Variants in CIB2 observed in about 807,000 individuals in gnomAD.
CIB2 encodes calcium and integrin-binding family member 2.
Under a neutral mutation model 23.1 loss-of-function variants are expected in CIB2, and 19 were observed. The observed-to-expected ratio is 0.82, with a 90% CI of 0.57 to 1.21. CIB2 has a LOEUF of 1.21. CIB2 is among the 50% of genes most tolerant of loss of function. The pLI, the probability that CIB2 is intolerant of heterozygous loss-of-function variation, is 0.00. For synonymous variants in CIB2, 94 were observed against 91.7 expected, an observed-to-expected ratio of 1.03 and a Z score of -0.14; for missense variants, 220 against 241.5, an observed-to-expected ratio of 0.91 and a Z score of 0.59.
intron 1 of CIB2, among the ~76,000 whole-genome samples, chr15:78,125,663 G>C (rs2074372154): frequency 6.6e-6 from 1 of 152,166 alleles, no homozygotes; most frequent in Non-Finnish European, 1.5e-5. Flanking sequence ...CAGATCTCTT[G>C]AATCAGAAAC....
At chr15:78,119,757 G>A (rs1050963071) in intron 2 of CIB2, among the ~76,000 whole-genome samples, 5 of 151,840 alleles carry the variant, frequency 3.3e-5, no homozygotes, top group Admixed American at 1.3e-4. Flanking sequence ...ATTTTCAGTA[G>A]AGTTGGGGTT....
At chr15:78,114,905 A>G (rs1429686255) in intron 2 of CIB2, among the ~76,000 whole-genome samples, 1 of 152,154 alleles carries the variant, frequency 6.6e-6, no homozygotes, top group East Asian at 1.9e-4. Context: ...CTAAAAAAAA[A>G]AAAGATAAGT....
In CIB2 at chr15:78,109,271, GGGGAGCCGAC is replaced by G. The variant is rs765741202; in HGVS notation, c.300_309del (p.Glu100AspfsTer28). Reference sequence around the variant, plus strand: ...AAGGCATAGTTTGCCTTGAGCTCTCGGGGAGCCGACTCGCAGAGCACGGAAAACATGTCCA... The same window carrying G: ...AAGGCATAGTTTGCCTTGAGCTCTCGTCGCAGAGCACGGAAAACATGTCCA... On this transcript the variant is annotated frameshift_variant, in exon 4 of 6. Coordinates refer to ENST00000258930, the MANE Select transcript of CIB2 (RefSeq NM_006383.4). LOFTEE classifies it high-confidence loss of function. 8.1e-5 allele frequency: 130 copies of G among 1,611,358 alleles called. No individual in the cohort carries two copies. Among genetic ancestry groups the G allele is most frequent in the Non-Finnish European group, 1.1e-4 (125 of 1,179,522 alleles).
In CIB2 at chr15:78,109,200, C is replaced by G. The variant is rs201756330; in HGVS notation, c.346+35G>C. ...CTAAGGGCCCCACATGTTCCCCCACCGCATATTCAGGCCCCCTCCTCTAGC... is the reference window on the plus strand; with the variant it reads ...CTAAGGGCCCCACATGTTCCCCCACGGCATATTCAGGCCCCCTCCTCTAGC... On this transcript the variant is annotated intron_variant, in intron 4 of 5. Transcript: ENST00000258930. The G allele has an allele frequency of 7.0e-3, 8,114 of 1,159,138 alleles. 536 individuals carry two copies. The African/African-American group carries it at 0.11, about 15-fold the overall frequency. The allele number at this position is 1,159,138 out of a possible 1,614,324, so 71.8% of individuals were successfully genotyped here. A position where few individuals can be genotyped will look rare whatever the true frequency, so the allele number is the denominator to read the frequency against.
intron 1 of CIB2, among the ~76,000 whole-genome samples, chr15:78,130,443 T>C (rs1596366811): frequency 6.6e-6 from 1 of 151,758 alleles, no homozygotes; most frequent in Non-Finnish European, 1.5e-5. Context: ...AGCCAAGGGG[T>C]TGGGCTTCAT....
chr15:78,112,020 C>T (rs1251020075), intron 2 of CIB2, among the ~76,000 whole-genome samples: 2 of 152,184 alleles, frequency 1.3e-5, no homozygotes, highest in Non-Finnish European at 2.9e-5. Flanking sequence ...CCCTGGTGGG[C>T]CTGGCCCTCC....
Position 78,105,114 on chromosome 15 carries a change from G to C in CIB2, c.*197C>G. 1 of 694,844 alleles carries C rather than the reference G, an allele frequency of 1.4e-6. No individual in the cohort carries two copies. Among genetic ancestry groups the C allele is most frequent in the Non-Finnish European group, 2.3e-6 (1 of 426,062 alleles). The allele number at this position is 694,844 out of a possible 1,614,324, so 43.0% of individuals were successfully genotyped here. On this transcript the variant is annotated 3_prime_UTR_variant, in exon 6 of 6. Transcript: ENST00000258930. ...GGGTCCCGGGGCTGGACCACAGCGG[G>C]GCTGTGGGAAGGGTCCTAACCTTCA... is the stretch of plus-strand genomic sequence containing the variant.
intron 4 of CIB2, among the ~76,000 whole-genome samples, chr15:78,106,553 C>T (rs1441725650): frequency 2.0e-5 from 3 of 152,214 alleles, no homozygotes; most frequent in Non-Finnish European, 4.4e-5. Context: ...CAGCAAAAGG[C>T]ACTACCACTG....
At chr15:78,106,910 T>C (rs1271719690) in intron 4 of CIB2, among the ~76,000 whole-genome samples, 3 of 152,124 alleles carry the variant, frequency 2.0e-5, no homozygotes, top group Admixed American at 6.5e-5. Context: ...GCAGGCACAA[T>C]TGAATCTCCA....
chr15:78,114,783 A>AG (rs2074213191), intron 2 of CIB2, among the ~76,000 whole-genome samples: 1 of 151,926 alleles, frequency 6.6e-6, no homozygotes, highest in Admixed American at 6.6e-5. Context: ...TACAAAAAAA[A>AG]AAAAAAAATT....
At chr15:78,125,019 C>T (rs576799685) in intron 1 of CIB2, among the ~76,000 whole-genome samples, 1 of 152,318 alleles carries the variant, frequency 6.6e-6, no homozygotes, top group African/African-American at 2.4e-5. Flanking sequence ...TAAGCTGCTG[C>T]TCCCTGGGAG....
At chr15:78,105,460 T>C in intron 5 of CIB2, 128 bp from the exon 6 acceptor site, 2 of 1,549,028 alleles carry the variant, frequency 1.3e-6, no homozygotes, top group East Asian at 2.4e-5. Flanking sequence ...CCCTGCATAG[T>C]GGATGCAGGT....
chr15:78,125,052 C>T (rs7163579), intron 1 of CIB2, among the ~76,000 whole-genome samples: 13,700 of 152,166 alleles, frequency 0.09, 1,151 homozygotes, highest in African/African-American at 0.22. Context: ...TCCATGCTGG[C>T]TTCTTGGAAA....
intron 1 of CIB2, among the ~76,000 whole-genome samples, chr15:78,129,567 C>T (rs988159989): frequency 6.6e-6 from 1 of 152,192 alleles, no homozygotes; most frequent in African/African-American, 2.4e-5. Flanking sequence ...AGTGCTGTAT[C>T]GTTTCTGGAC....
At chr15:78,124,175 G>A (rs961323448) in intron 1 of CIB2, among the ~76,000 whole-genome samples, 1 of 152,122 alleles carries the variant, frequency 6.6e-6, no homozygotes, top group Admixed American at 6.5e-5. Flanking sequence ...CCTGAGCATG[G>A]TGCTAGGGGG....
rs2074451212 is a variant in CIB2, at chr15:78,131,210, C to T, written c.6G>A (p.Gly2=). M[G]NKQTIFTEEQ... ...CTTCGGTGAAGATGGTCTGCTTGTT[C>T]CCCATGGTGGCCGCCGCGCCGCCGC... The change falls in exon 1 of 6, where the codon GGG becomes GGA. Residue 2 remains glycine, a synonymous_variant. Coordinates refer to ENST00000258930, the MANE Select transcript of CIB2 (RefSeq NM_006383.4). The surrounding 1 kb of genome is among the most constrained non-coding windows in gnomAD (Gnocchi z 5.8). 3 of 1,533,372 alleles carry T rather than the reference C, an allele frequency of 2.0e-6. No homozygotes were observed. The highest frequency in any genetic ancestry group is 2.6e-6 in the Non-Finnish European group (3 of 1,138,566). 95.0% of individuals were successfully genotyped at this position (1,533,372 alleles called of 1,614,324 possible).
At chr15:78,114,903 A>T (rs527640448) in intron 2 of CIB2, among the ~76,000 whole-genome samples, 6 of 152,276 alleles carry the variant, frequency 3.9e-5, no homozygotes, top group Middle Eastern at 3.4e-3. Flanking sequence ...CTCTAAAAAA[A>T]AAAAAGATAA....
At chr15:78,115,333 C>G (rs765507886) in intron 2 of CIB2, among the ~76,000 whole-genome samples, 1 of 152,168 alleles carries the variant, frequency 6.6e-6, no homozygotes, top group Non-Finnish European at 1.5e-5. Flanking sequence ...TCTTGGCTCA[C>G]TGCAACCTCT....
At chr15:78,111,740 C>T (rs999270698) in intron 2 of CIB2, among the ~76,000 whole-genome samples, 1 of 152,188 alleles carries the variant, frequency 6.6e-6, no homozygotes, top group African/African-American at 2.4e-5. Context: ...AGTGATTTGT[C>T]TAAGGCCACA....
Sources: allele counts gnomAD v4.1 joint callset (sites outside exome capture counted in the v4.1 genomes callset), GRCh38; gene constraint gnomAD v4.1.1; non-coding constraint Gnocchi (gnomAD v3.1); transcripts MANE v1.5; gene names NCBI Gene and HGNC (gene_info 2026-07-23, HGNC 2026-07-21).